The following CYLC1 variants were observed in gnomAD, a reference collection of about 807,000 sequenced individuals.
CYLC1 encodes cylicin-1.
CYLC1 carries 2 observed loss-of-function variants against 31.6 expected under a neutral mutation model. That is an observed-to-expected ratio of 0.06 (90% CI 0.03 to 0.20). The LOEUF is 0.20. CYLC1 is among the 10% of genes least tolerant of loss of function. The pLI, the probability that CYLC1 is intolerant of heterozygous loss-of-function variation, is 1.00. For missense variants in CYLC1, 595 were observed against 424.1 expected (o/e 1.40, Z -3.54); for synonymous variants, 185 against 153.0 (o/e 1.21, Z -1.54).
intron 4 of CYLC1, among the ~76,000 whole-genome samples, chrX:83,876,923 G>T (rs1475273321): frequency 9.0e-6 from 1 of 110,795 alleles, no homozygotes; most frequent in Admixed American, 9.7e-5. Flanking sequence ...TCTATGTATT[G>T]ATGATTCCAA....
chrX:83,884,678 T>A, intron 4 of CYLC1, among the ~76,000 whole-genome samples: 1 of 111,419 alleles, frequency 9.0e-6, no homozygotes, highest in Middle Eastern at 4.6e-3. Context: ...GTGGGAGGAA[T>A]TTCTGGTTTG....
At chrX:83,864,841 T>C (rs1482173526) in intron 1 of CYLC1, 1 of 217,624 alleles carries the variant, frequency 4.6e-6, no homozygotes, top group African/African-American at 3.1e-5. Context: ...CTCTGCTTTC[T>C]TGGTTTTCCT....
chrX:83,871,646 A>G, intron 3 of CYLC1, 76 bp downstream of exon 3: 2 of 959,503 alleles, frequency 2.1e-6, no homozygotes, highest in South Asian at 5.4e-5. Context: ...TAAGGCCTAT[A>G]TAACTTGAAT....
chrX:83,872,019 C>T (rs1490628291), intron 3 of CYLC1, among the ~76,000 whole-genome samples: 1 of 110,890 alleles, frequency 9.0e-6, no homozygotes, highest in Non-Finnish European at 1.9e-5. Flanking sequence ...ATATAGGTCA[C>T]CTATTATGAT....
intron 4 of CYLC1, among the ~76,000 whole-genome samples, chrX:83,877,894 A>C (rs1486467957): frequency 9.5e-5 from 4 of 41,963 alleles, no homozygotes. Flanking sequence ...ATATATATAT[A>C]TACAAATATA....
chrX:83,874,982 G>A (rs919654345), intron 4 of CYLC1, among the ~76,000 whole-genome samples: 1 of 111,011 alleles, frequency 9.0e-6, no homozygotes, highest in Non-Finnish European at 1.9e-5. Context: ...CTTCTACAGG[G>A]GCAGATTTAA....
At chrX:83,868,667 C>T (rs2031623253) in intron 1 of CYLC1, among the ~76,000 whole-genome samples, 2 of 110,740 alleles carry the variant, frequency 1.8e-5, no homozygotes, top group South Asian at 3.7e-4. Flanking sequence ...GTTTCCCCAG[C>T]GCATGAAAAC....
At chrX:83,867,720 C>T (rs928758858) in intron 1 of CYLC1, among the ~76,000 whole-genome samples, 1 of 111,215 alleles carries the variant, frequency 9.0e-6, no homozygotes, top group African/African-American at 3.3e-5. Flanking sequence ...TTTCCTTCCT[C>T]TTGTAATAAT....
intron 4 of CYLC1, among the ~76,000 whole-genome samples, chrX:83,882,456 C>A (rs1052077796): frequency 1.8e-5 from 2 of 110,802 alleles, no homozygotes; most frequent in African/African-American, 3.3e-5. Context: ...TAGTTCCCTG[C>A]AATGACCTTT....
intron 1 of CYLC1, among the ~76,000 whole-genome samples, chrX:83,865,263 T>C (rs766692473): frequency 9.2e-6 from 1 of 108,655 alleles, no homozygotes; most frequent in African/African-American, 3.3e-5. Context: ...TAAACATGCA[T>C]ACACACACAC....
chrX:83,874,451 G>A lies in CYLC1; in HGVS notation c.1743G>A (p.Met581Ile). 1 of 1,209,569 alleles carries A rather than the reference G, an allele frequency of 8.3e-7. No homozygotes were observed. Among genetic ancestry groups the A allele is most frequent in the Non-Finnish European group, 1.1e-6 (1 of 894,416 alleles). ...TGGAATCAAAGAGAGGATTCAGAAT[G>A]TCATCCAAAAAGACTACATTCAATG... is the stretch of plus-strand genomic sequence containing the variant. ...EGLESKRGFR[M>I]SSKKTTFNEK... Residue 581 changes from methionine to isoleucine, a missense_variant, in exon 4 of 5, where the codon ATG becomes ATA. Physicochemically the swap from Met to Ile is conservative, Grantham distance 10. Transcript: ENST00000329312.
At chrX:83,868,092 T>C (rs1386271947) in intron 1 of CYLC1, among the ~76,000 whole-genome samples, 2 of 110,635 alleles carry the variant, frequency 1.8e-5, no homozygotes. Context: ...AAGTAGAGAG[T>C]GCATAAACTG....
At position 83,874,603 on chromosome X, in the gene CYLC1, C is replaced by A. The variant is rs1436939069; in HGVS notation, c.1895C>A (p.Pro632Gln). The change falls in exon 4 of 5, where the codon CCA (proline) becomes CAA (glutamine). Residue 632 changes from proline to glutamine, a missense_variant. Physicochemically the swap from Pro to Gln is moderately conservative, Grantham distance 76. Coordinates refer to ENST00000329312, the MANE Select transcript of CYLC1 (RefSeq NM_021118.3). The stretch of plus-strand genomic sequence containing the variant: ...CTTTGTTGGTGCAAGATGCCTCCTC[C>A]ACCTCCAAAACCAAGATATGCTCCT... ...RRLCWCKMPPPPPKPRYAPLP... is the reference protein window; with the variant it reads ...RRLCWCKMPPQPPKPRYAPLP... 1.7e-6 allele frequency: 2 copies of A among 1,201,330 alleles called. No individual in the cohort carries two copies. Among genetic ancestry groups the A allele is most frequent in the Non-Finnish European group, 2.2e-6 (2 of 891,044 alleles).
At chrX:83,879,679 C>A (rs2031882302) in intron 4 of CYLC1, among the ~76,000 whole-genome samples, 1 of 110,379 alleles carries the variant, frequency 9.1e-6, no homozygotes, top group Non-Finnish European at 1.9e-5. Context: ...TACTATGTTT[C>A]ATTCCATACG....
At chrX:83,864,596 G>A in intron 1 of CYLC1, 1 of 218,530 alleles carries the variant, frequency 4.6e-6, no homozygotes, top group South Asian at 5.6e-5. Context: ...CATATATATG[G>A]TGGATAATTC....
In CYLC1 at chrX:83,873,061, C is replaced by T. The variant is rs769298767; in HGVS notation, c.353C>T (p.Ser118Phe). 9.2e-6 allele frequency: 11 copies of T among 1,196,663 alleles called. No individual in the cohort carries two copies. Among genetic ancestry groups the T allele is most frequent in the Middle Eastern group, 2.3e-4 (1 of 4,259 alleles). ...THLKKAEYKK[S>F]KDEKGGTPLK... ...CTTAAAAAAGCAGAATATAAAAAGT[C>T]CAAAGATGAAAAAGGAGGAACACCT... is the stretch of plus-strand genomic sequence containing the variant. The change falls in exon 4 of 5, where the codon TCC (serine) becomes TTC (phenylalanine). Residue 118 changes from serine to phenylalanine, a missense_variant. Ser to Phe is a radical substitution (Grantham distance 155). Coordinates refer to ENST00000329312, the MANE Select transcript of CYLC1 (RefSeq NM_021118.3).
chrX:83,873,309 A>G lies in CYLC1; in HGVS notation c.601A>G (p.Lys201Glu). Residue 201 changes from lysine (K) to glutamate (E), a missense_variant, in exon 4 of 5, where the codon AAA becomes GAA. Physicochemically the swap from Lys to Glu is moderately conservative, Grantham distance 56. Coordinates refer to ENST00000329312, the MANE Select transcript of CYLC1 (RefSeq NM_021118.3). ...AAAAAATTGTTCACAAAAAGATAAG[A>G]AAGATTCAAAGAATTCCAAGAAGAC... Reference protein sequence around the residue: ...VSKNCSQKDKKDSKNSKKTNT... With the variant: ...VSKNCSQKDKEDSKNSKKTNT... The G allele has an allele frequency of 8.3e-7, 1 of 1,202,559 alleles. No individual in the cohort carries two copies. Among genetic ancestry groups the G allele is most frequent in the Non-Finnish European group, 1.1e-6 (1 of 891,265 alleles).
intron 4 of CYLC1, among the ~76,000 whole-genome samples, chrX:83,885,598 G>A (rs1035450664): frequency 9.2e-6 from 1 of 109,151 alleles, no homozygotes; most frequent in Non-Finnish European, 1.9e-5. Context: ...TTTATTCACT[G>A]CTGACTTCAG....
rs1408849539 is a variant in CYLC1 at position 83,873,624 on chromosome X, G to T, written c.916G>T (p.Ala306Ser). 2 of 1,193,287 alleles carry T rather than the reference G, an allele frequency of 1.7e-6. No homozygotes were observed. Among genetic ancestry groups the T allele is most frequent in the Non-Finnish European group, 2.3e-6 (2 of 887,850 alleles). ...SDAESEDSKD[A>S]KKDSKKVKKN... ...TGCTGAATCTGAAGACTCAAAGGAT[G>T]CTAAGAAAGATTCAAAGAAAGTTAA... The change falls in exon 4 of 5, where the codon GCT becomes TCT. Residue 306 changes from alanine to serine, a missense_variant. By Grantham distance (99) the Ala-to-Ser change is moderately conservative. Transcript: ENST00000329312.
Sources: allele counts gnomAD v4.1 joint callset (sites outside exome capture counted in the v4.1 genomes callset), GRCh38; gene constraint gnomAD v4.1.1; transcripts MANE v1.5; gene names NCBI Gene and HGNC (gene_info 2026-07-23, HGNC 2026-07-21).